Variants in PYGL observed in about 807,000 individuals in gnomAD.
PYGL encodes glycogen phosphorylase L, also known as glycogen phosphorylase, liver form.
In PYGL, 90 loss-of-function variants were observed where a neutral mutation model predicts 100.1. The ratio of observed to expected loss-of-function variants is 0.90; its 90% CI spans 0.76 to 1.07. PYGL has a LOEUF of 1.07. Ranked by LOEUF, PYGL falls within the 50% of genes least tolerant of loss-of-function variation. The probability of loss-of-function intolerance (pLI) is 0.00; values close to 1 mark genes in which losing one functional copy is unlikely to be tolerated. For synonymous variants in PYGL, 373 were observed against 393.0 expected (o/e 0.95, Z 0.60); for missense variants, 1,016 against 1,057.6 (o/e 0.96, Z 0.55).
intron 7 of PYGL, 128 bp from the exon 8 acceptor site, chr14:50,917,233 G>C: frequency 9.5e-7 from 1 of 1,057,794 alleles, no homozygotes; most frequent in Non-Finnish European, 1.4e-6. Flanking sequence ...GTGGTGGTTT[G>C]AATGCCAAAC....
intron 4 of PYGL, among the ~76,000 whole-genome samples, chr14:50,931,235 A>G (rs1173044519): frequency 6.6e-6 from 1 of 152,096 alleles, no homozygotes; most frequent in Admixed American, 6.6e-5. Context: ...GTGTGATCTG[A>G]GGTAACTTTA....
intron 1 of PYGL, among the ~76,000 whole-genome samples, chr14:50,938,965 C>T (rs2050679699): frequency 6.6e-6 from 1 of 152,132 alleles, no homozygotes; most frequent in Non-Finnish European, 1.5e-5. Flanking sequence ...CCACACACCG[C>T]ATGGGTAGAA....
chr14:50,908,397 G>T, intron 18 of PYGL, 60 bp from the exon 19 acceptor site: 1 of 1,374,198 alleles, frequency 7.3e-7, no homozygotes, highest in African/African-American at 1.4e-5. Flanking sequence ...ATAGATATAT[G>T]CTAAAATTCC....
chr14:50,919,114 C>T (rs1000504546), intron 7 of PYGL, among the ~76,000 whole-genome samples: 2 of 152,196 alleles, frequency 1.3e-5, no homozygotes, highest in Non-Finnish European at 2.9e-5. Context: ...TTTTTTACCC[C>T]ATGCTAACTT....
Position 50,944,457 on chromosome 14 carries a change from G to C in PYGL, c.-54C>G. The C allele has an allele frequency of 6.5e-7, 1 of 1,538,640 alleles. No individual in the cohort carries two copies. The highest frequency in any genetic ancestry group is 1.9e-5 in the Admixed American group (1 of 51,544). The stretch of plus-strand genomic sequence containing the variant: ...TGCGCAGAGAGCTGGAAGTGCGGCC[G>C]GAGGCGCTGGGCTGCCGGGCAGGGG... On this transcript the variant is annotated 5_prime_UTR_variant, in exon 1 of 20. Transcript: ENST00000216392.
intron 12 of PYGL, among the ~76,000 whole-genome samples, chr14:50,914,020 G>A (rs759566079): frequency 4.6e-5 from 7 of 152,156 alleles, no homozygotes; most frequent in Non-Finnish European, 7.3e-5. Flanking sequence ...TGGTATTAAA[G>A]TGTTAAAAAC....
intron 13 of PYGL, among the ~76,000 whole-genome samples, chr14:50,912,602 C>T (rs2050409811): frequency 6.6e-6 from 1 of 152,156 alleles, no homozygotes. Flanking sequence ...CTTGGCTGCC[C>T]AAGTGCTAGG....
chr14:50,937,730 A>G lies in PYGL; in HGVS notation c.345+6T>C. ...ACAGGATGAGAGAAATCTAGGAACA[A>G]TGTACCTGGTAAATGGCCTCATCAC... is the stretch of plus-strand genomic sequence containing the variant. On this transcript the variant is annotated splice_donor_region_variant and intron_variant, in intron 2 of 19. Coordinates refer to ENST00000216392, the MANE Select transcript of PYGL (RefSeq NM_002863.5). 1 of 1,606,272 alleles carries G rather than the reference A, an allele frequency of 6.2e-7. No individual in the cohort carries two copies. The highest frequency in any genetic ancestry group is 8.5e-7 in the Non-Finnish European group (1 of 1,172,832).
At chr14:50,923,579 C>T (rs8019957) in intron 5 of PYGL, 12 of 198,374 alleles carry the variant, frequency 6.0e-5, no homozygotes, top group Non-Finnish European at 1.1e-4. Context: ...TGAGCCACTG[C>T]ACCCAGCCAG....
rs1240641505 is a variant in PYGL, at chr14:50,941,055, A to C, written c.243+3106T>G. On this transcript the variant is annotated intron_variant, in intron 1 of 19. Transcript: ENST00000216392. ...GGGAAGAACAGGCCCACCTGGACTGAGAAGTGCTTTCGAATACTTGCTTAA... is the reference window on the plus strand; with the variant it reads ...GGGAAGAACAGGCCCACCTGGACTGCGAAGTGCTTTCGAATACTTGCTTAA... Among the ~76,000 whole-genome samples the C allele has an allele frequency of 2.0e-5, 3 of 152,348 alleles. No homozygotes were observed. In the East Asian group the frequency reaches 5.8e-4, roughly 29 times the overall value.
intron 16 of PYGL, 118 bp from the exon 17 acceptor site, chr14:50,910,220 A>T: frequency 6.5e-6 from 7 of 1,071,358 alleles, no homozygotes; most frequent in Non-Finnish European, 9.8e-6. Context: ...GCACATTAAG[A>T]TAAACATTCA....
At chr14:50,944,037 A>T (rs564335815) in intron 1 of PYGL, 124 bp downstream of exon 1, 1 of 1,299,524 alleles carries the variant, frequency 7.7e-7, no homozygotes, top group African/African-American at 1.5e-5. Context: ...TCTCCTCTGG[A>T]CTTCGGGGCA....
chr14:50,912,637 C>T (rs911399274), intron 13 of PYGL, among the ~76,000 whole-genome samples: 6 of 152,108 alleles, frequency 3.9e-5, no homozygotes, highest in East Asian at 3.9e-4. Context: ...CCACCGCGCC[C>T]GGCTGGGTGG....
Position 50,944,201 on chromosome 14 carries a change from C to G in PYGL, c.203G>C (p.Trp68Ser). ...HTVRDHLVGR[W>S]IRTQQHYYDK... The stretch of plus-strand genomic sequence containing the variant: ...GTAGTAGTGCTGCTGCGTGCGGATC[C>G]AGCGCCCCACCAGGTGGTCGCGCAC... The change falls in exon 1 of 20, where the codon TGG (tryptophan) becomes TCG (serine). Residue 68 changes from tryptophan (W) to serine (S), a missense_variant. Coordinates refer to ENST00000216392, the MANE Select transcript of PYGL (RefSeq NM_002863.5). 6.2e-7 allele frequency: 1 copy of G among 1,611,282 alleles called. No homozygotes were observed. Among genetic ancestry groups the G allele is most frequent in the Non-Finnish European group, 8.5e-7 (1 of 1,179,804 alleles).
intron 18 of PYGL, 74 bp from the exon 19 acceptor site, chr14:50,908,411 T>TA (rs774878324): frequency 6.8e-6 from 9 of 1,326,784 alleles, no homozygotes; most frequent in Non-Finnish European, 8.7e-6. Context: ...AAATTCCATG[T>TA]AAAATCATCT....
At chr14:50,941,710 G>A (rs990238506) in intron 1 of PYGL, among the ~76,000 whole-genome samples, 3 of 151,990 alleles carry the variant, frequency 2.0e-5, no homozygotes, top group African/African-American at 4.8e-5. Flanking sequence ...GAATCCTGTC[G>A]CTACTAAAAA....
chr14:50,909,020 A>C (rs2050363486), intron 17 of PYGL, 65 bp from the exon 18 acceptor site: 1 of 1,494,772 alleles, frequency 6.7e-7, no homozygotes, highest in Admixed American at 1.7e-5. Flanking sequence ...GATTAACAAC[A>C]CACTAGACAC....
At chr14:50,927,973 G>T (rs979897100) in intron 4 of PYGL, among the ~76,000 whole-genome samples, 3 of 152,172 alleles carry the variant, frequency 2.0e-5, no homozygotes, top group Non-Finnish European at 4.4e-5. Context: ...GAAGGGGTAG[G>T]GGTGGGGGGC....
chr14:50,909,029 A>G (rs2050363545), intron 17 of PYGL, 74 bp from the exon 18 acceptor site: 1 of 1,457,640 alleles, frequency 6.9e-7, no homozygotes, highest in Admixed American at 1.7e-5. Context: ...CACACTAGAC[A>G]CTGCATTCAC....
Sources: gnomAD v4.1 joint callset for allele counts (sites outside exome capture counted in the v4.1 genomes callset) on GRCh38, gnomAD v4.1.1 for gene constraint, MANE v1.5 for transcripts, NCBI Gene and HGNC (gene_info 2026-07-23, HGNC 2026-07-21) for gene names.